The following CDH18 variants were observed in gnomAD, a reference collection of about 807,000 sequenced individuals.
The protein encoded by CDH18 is cadherin 18, also known as cadherin-18.
Under a neutral mutation model 67.9 loss-of-function variants are expected in CDH18, and 31 were observed. The ratio of observed to expected loss-of-function variants is 0.46; its 90% CI spans 0.34 to 0.62. The LOEUF (loss-of-function observed/expected upper bound fraction) is 0.62. Ranked by LOEUF, CDH18 falls within the 20% of genes least tolerant of loss-of-function variation. The pLI is 0.01. For missense variants in CDH18, 890 were observed against 975.5 expected, an observed-to-expected ratio of 0.91 and a Z score of 1.17; for synonymous variants, 362 against 347.2, an observed-to-expected ratio of 1.04 and a Z score of -0.48.
At chr5:20,494,068 G>T (rs1216231120) in intron 1 of CDH18, among the ~76,000 whole-genome samples, 2 of 151,728 alleles carry the variant, frequency 1.3e-5, no homozygotes, top group East Asian at 3.9e-4. Context: ...TGGCCAACAT[G>T]GTTAACCCCC....
chr5:20,172,349 C>T (rs1223862816), intron 2 of CDH18, among the ~76,000 whole-genome samples: 1 of 148,256 alleles, frequency 6.7e-6, no homozygotes. Flanking sequence ...TGCCTTTTTC[C>T]CTGTTCCACT....
chr5:20,568,591 G>A (rs1561139797), intron 1 of CDH18, among the ~76,000 whole-genome samples: 1 of 150,526 alleles, frequency 6.6e-6, no homozygotes, highest in Non-Finnish European at 1.5e-5. Context: ...TGAATGTCAA[G>A]AGTGGGCATT....
At chr5:20,405,291 C>T (rs58189615) in intron 1 of CDH18, among the ~76,000 whole-genome samples, 11,711 of 152,118 alleles carry the variant, frequency 0.077, 683 homozygotes, top group East Asian at 0.24. Flanking sequence ...CACACATCTA[C>T]AACTATCTGA....
At chr5:19,933,143 C>T (rs923134705) in intron 2 of CDH18, among the ~76,000 whole-genome samples, 2 of 151,506 alleles carry the variant, frequency 1.3e-5, no homozygotes, top group African/African-American at 2.4e-5. Context: ...CCCCTTTAAT[C>T]CTTATTCTAG....
chr5:19,944,288 C>T (rs1795096132), intron 2 of CDH18, among the ~76,000 whole-genome samples: 1 of 152,024 alleles, frequency 6.6e-6, no homozygotes, highest in Admixed American at 6.6e-5. Flanking sequence ...GAAATAGAAA[C>T]AGCTAAAGTC....
chr5:20,118,101 A>T (rs2126395886), intron 2 of CDH18, among the ~76,000 whole-genome samples: 1 of 152,344 alleles, frequency 6.6e-6, no homozygotes, highest in South Asian at 2.1e-4. Context: ...TATAAAAAAT[A>T]AATGTCATTA....
chr5:20,504,913 A>G (rs575100538), intron 1 of CDH18, among the ~76,000 whole-genome samples: 55 of 151,636 alleles, frequency 3.6e-4, no homozygotes, highest in Non-Finnish European at 6.3e-4. Flanking sequence ...GACTACAGGC[A>G]CCCGCCACCA....
intron 1 of CDH18, among the ~76,000 whole-genome samples, chr5:20,391,467 T>C (rs1744854133): frequency 6.6e-6 from 1 of 152,082 alleles, no homozygotes; most frequent in Non-Finnish European, 1.5e-5. Context: ...TAATGTGCTA[T>C]ATAAGTACAT....
intron 5 of CDH18, among the ~76,000 whole-genome samples, chr5:19,703,773 C>G (rs1763595889): frequency 6.7e-6 from 1 of 148,916 alleles, no homozygotes; most frequent in Non-Finnish European, 1.5e-5. Context: ...TACATTTGAG[C>G]CTTTTCCTTT....
chr5:19,755,460 C>CATATAT (rs1158677779), intron 3 of CDH18, among the ~76,000 whole-genome samples: 700 of 21,834 alleles, frequency 0.032, 23 homozygotes, highest in South Asian at 0.06. Context: ...TATATATATA[C>CATATAT]ACACACACAC....
At position 19,552,683 on chromosome 5, in the gene CDH18, G is replaced by C. The variant is rs1333752637; in HGVS notation, c.1254-8678C>G. 2.0e-5 allele frequency among the ~76,000 whole-genome samples: 3 copies of C among 152,224 alleles called. No individual in the cohort carries two copies. In the East Asian group the frequency reaches 5.8e-4, roughly 29 times the overall value. On this transcript the variant is annotated intron_variant, in intron 8 of 12. Transcript: ENST00000382275. Reference sequence around the variant, plus strand: ...TAAGATGTCTCCTAGTTATAGATTAGAGAAAGTACAATTAAGTTACTGACA... The same window carrying C: ...TAAGATGTCTCCTAGTTATAGATTACAGAAAGTACAATTAAGTTACTGACA...
rs77171089 is a variant in CDH18 at position 20,068,471 on chromosome 5, T to C, written c.-517-76457A>G. On this transcript the variant is annotated intron_variant, in intron 2 of 14. Coordinates refer to the CDH18 transcript ENST00000507958. ...GGCCAGGAAACTGGTGAACATAGGGTATATGGGAGTAGGGTTTGGCTTTGT... is the reference window on the plus strand; with the variant it reads ...GGCCAGGAAACTGGTGAACATAGGGCATATGGGAGTAGGGTTTGGCTTTGT... Among the ~76,000 whole-genome samples the C allele has an allele frequency of 9.3e-3, 1,419 of 152,040 alleles. 23 individuals are homozygous for C. Among genetic ancestry groups the C allele is most frequent in the African/African-American group, 0.032 (1,348 of 41,480 alleles).
intron 2 of CDH18, among the ~76,000 whole-genome samples, chr5:19,952,010 C>T (rs1268112818): frequency 1.3e-5 from 2 of 151,966 alleles, no homozygotes; most frequent in African/African-American, 4.8e-5. Context: ...CCTTATTTTT[C>T]TATGTAATTA....
At chr5:19,545,776 C>A (rs752189189) in intron 8 of CDH18, among the ~76,000 whole-genome samples, 1 of 152,024 alleles carries the variant, frequency 6.6e-6, no homozygotes, top group Non-Finnish European at 1.5e-5. Context: ...CCATTAGATA[C>A]CCATGTGGAA....
In CDH18 at chr5:19,979,216, G is replaced by GTGTT. The variant is rs757088168; in HGVS notation, c.-257+1843_-257+1844insAACA. ...TAAGGTGATTGTTGGTGGGGATGGA[G>GTGTT]TGTGTGTGTGTGTGTGTGTGTGTGT... On this transcript the variant is annotated intron_variant, in intron 2 of 12. Coordinates refer to ENST00000382275, the MANE Select transcript of CDH18 (RefSeq NM_004934.5). 1.7e-3 allele frequency among the ~76,000 whole-genome samples: 71 copies of GTGTT among 42,626 alleles called. 1 individual carries two copies. Among genetic ancestry groups the GTGTT allele is most frequent in the African/African-American group, 0.013 (48 of 3,648 alleles). 28.0% of individuals were successfully genotyped at this position (42,626 alleles called of 152,430 possible). A position where few individuals can be genotyped will look rare whatever the true frequency, so the allele number is the denominator to read the frequency against.
intron 1 of CDH18, among the ~76,000 whole-genome samples, chr5:20,449,516 G>T (rs961604615): frequency 3.3e-5 from 5 of 151,798 alleles, no homozygotes; most frequent in African/African-American, 1.2e-4. Flanking sequence ...CCCACAATAT[G>T]GATTGATAGA....
intron 2 of CDH18, among the ~76,000 whole-genome samples, chr5:20,055,550 G>A (rs922941162): frequency 2.0e-5 from 3 of 152,204 alleles, no homozygotes; most frequent in Non-Finnish European, 4.4e-5. Context: ...CTAAGTATTT[G>A]TATTCTGCAC....
rs531301568 is a variant in CDH18, at chr5:19,530,427, CT to C, written c.1391-9650del. ...AAAAAAGCCAATAAATTGTAATTTT[CT>C]TTTTTTATTTTATTATTATTATACT... On this transcript the variant is annotated intron_variant, in intron 9 of 12. Coordinates refer to ENST00000382275, the MANE Select transcript of CDH18 (RefSeq NM_004934.5). 5.4e-4 allele frequency among the ~76,000 whole-genome samples: 82 copies of C among 152,108 alleles called. No individual in the cohort carries two copies. In the South Asian group the frequency reaches 0.014, roughly 25 times the overall value.
At chr5:19,833,478 T>G (rs1781283319) in intron 3 of CDH18, among the ~76,000 whole-genome samples, 1 of 152,184 alleles carries the variant, frequency 6.6e-6, no homozygotes, top group South Asian at 2.1e-4. Flanking sequence ...AGAGACAACT[T>G]CAGTTCCACT....
Sources: gnomAD v4.1 joint callset for allele counts (sites outside exome capture counted in the v4.1 genomes callset) on GRCh38, gnomAD v4.1.1 for gene constraint, MANE v1.5 for transcripts, NCBI Gene and HGNC (gene_info 2026-07-23, HGNC 2026-07-21) for gene names.